Variants in KCTD16 observed in about 807,000 individuals in gnomAD.
The protein encoded by KCTD16 is potassium channel tetramerization domain containing 16, also known as BTB/POZ domain-containing protein KCTD16.
KCTD16 carries 13 observed loss-of-function variants against 33.2 expected under a neutral mutation model. That is an observed-to-expected ratio of 0.39 (90% CI 0.25 to 0.62). KCTD16 has a LOEUF of 0.62. Among genes scored for constraint, KCTD16 ranks in the 20% least tolerant of loss-of-function variants. The pLI is 0.50. For missense variants in KCTD16, 441 were observed against 525.1 expected (o/e 0.84, Z 1.57); for synonymous variants, 197 against 195.3 (o/e 1.01, Z -0.07).
chr5:144,302,644 G>A (rs759909644), intron 3 of KCTD16, among the ~76,000 whole-genome samples: 18 of 152,038 alleles, frequency 1.2e-4, no homozygotes, highest in Non-Finnish European at 2.1e-4. Context: ...ACTTATTATC[G>A]TACGTCAAAT....
chr5:144,347,861 C>T (rs1179370657), intron 3 of KCTD16, among the ~76,000 whole-genome samples: 4 of 152,116 alleles, frequency 2.6e-5, no homozygotes, highest in Non-Finnish European at 5.9e-5. Flanking sequence ...GTGACCAAAA[C>T]GACCCTGCTG....
chr5:144,420,512 A>G (rs1054249904), intron 3 of KCTD16, among the ~76,000 whole-genome samples: 2 of 149,834 alleles, frequency 1.3e-5, no homozygotes, highest in African/African-American at 4.9e-5. Context: ...ACTTATTTAA[A>G]TGTGTGTGTG....
chr5:144,230,258 C>T (rs747922654), intron 3 of KCTD16, among the ~76,000 whole-genome samples: 3 of 152,178 alleles, frequency 2.0e-5, no homozygotes, highest in Non-Finnish European at 4.4e-5. Flanking sequence ...GCTGCATTTT[C>T]GTCTTTGCCA....
rs1053012315 is a variant in KCTD16 at position 144,435,708 on chromosome 5, T to G, written c.833-37952T>G. Among the ~76,000 whole-genome samples the G allele has an allele frequency of 2.0e-5, 3 of 152,158 alleles. No homozygotes were observed. In the East Asian group the frequency reaches 5.8e-4, roughly 29 times the overall value. ...GAAGTTGGGGTTATTTACACCGCCTTGTAATAGTATCAGACAATTTCCTTC... is the reference window on the plus strand; with the variant it reads ...GAAGTTGGGGTTATTTACACCGCCTGGTAATAGTATCAGACAATTTCCTTC... On this transcript the variant is annotated intron_variant, in intron 3 of 3. Coordinates refer to ENST00000512467, the MANE Select transcript of KCTD16 (RefSeq NM_020768.4).
chr5:144,277,989 T>C (rs2126852257), intron 3 of KCTD16, among the ~76,000 whole-genome samples: 1 of 152,302 alleles, frequency 6.6e-6, no homozygotes. Flanking sequence ...AGTCTTTTCA[T>C]TTGCTAAATT....
Position 144,206,624 on chromosome 5 carries a change from C to T in KCTD16, c.-91C>T, listed in dbSNP as rs187095310. ...TTTTTTAATAAGTTAGCATCCTTTT[C>T]CCTTTCTTACAAGTTGATCCAAAGG... On this transcript the variant is annotated 5_prime_UTR_variant, in exon 3 of 4. Transcript: ENST00000512467. 6 of 1,107,192 alleles carry T rather than the reference C, an allele frequency of 5.4e-6. No homozygotes were observed. In the Admixed American group the frequency reaches 1.2e-4, roughly 22 times the overall value. The allele number at this position is 1,107,192 out of a possible 1,614,324, so 68.6% of individuals were successfully genotyped here. A position where few individuals can be genotyped will look rare whatever the true frequency, so the allele number is the denominator to read the frequency against.
chr5:144,187,951 C>A (rs1003379715), intron 2 of KCTD16, among the ~76,000 whole-genome samples: 1 of 152,136 alleles, frequency 6.6e-6, no homozygotes, highest in Non-Finnish European at 1.5e-5. Context: ...TCCAGCCCCA[C>A]CGGAAGTGGA....
intron 2 of KCTD16, among the ~76,000 whole-genome samples, chr5:144,182,745 TGAGAGAGAGAGAGAGAAAGA>T (rs1368317108): frequency 1.3e-5 from 2 of 150,216 alleles, no homozygotes; most frequent in African/African-American, 2.5e-5. Context: ...GATCCCTGTC[TGAGAGAGAGAGAGAGAAAGA>T]GAGAGAGAGA....
intron 3 of KCTD16, among the ~76,000 whole-genome samples, chr5:144,462,009 T>C (rs146109766): frequency 2.6e-4 from 39 of 152,340 alleles, no homozygotes; most frequent in Non-Finnish European, 4.3e-4. Context: ...TGTTTTCTTA[T>C]AATACTATTC....
intron 3 of KCTD16, among the ~76,000 whole-genome samples, chr5:144,437,914 G>C (rs1367831351): frequency 6.6e-6 from 1 of 152,116 alleles, no homozygotes; most frequent in African/African-American, 2.4e-5. Flanking sequence ...ATCCGCATGT[G>C]GCTATTGGAC....
chr5:144,171,786 GA>G (rs1252099893), intron 1 of KCTD16, among the ~76,000 whole-genome samples: 3 of 152,220 alleles, frequency 2.0e-5, no homozygotes, highest in Non-Finnish European at 1.5e-5. Flanking sequence ...TATCCTGTGG[GA>G]TTTGTGTGTT....
At chr5:144,472,403 T>C (rs1009253757) in intron 3 of KCTD16, among the ~76,000 whole-genome samples, 67 of 152,320 alleles carry the variant, frequency 4.4e-4, no homozygotes, top group African/African-American at 1.6e-3. Flanking sequence ...TTCTTCCTGG[T>C]TCACGGAGCC....
intron 3 of KCTD16, among the ~76,000 whole-genome samples, chr5:144,364,254 A>G (rs1429268581): frequency 1.3e-5 from 2 of 152,192 alleles, no homozygotes; most frequent in African/African-American, 2.4e-5. Flanking sequence ...TGCACCTGCA[A>G]TTCTTGAATC....
At chr5:144,454,614 G>T (rs1754019807) in intron 3 of KCTD16, among the ~76,000 whole-genome samples, 1 of 152,156 alleles carries the variant, frequency 6.6e-6, no homozygotes, top group Admixed American at 6.5e-5. Flanking sequence ...TATCATTACA[G>T]TTTCTCTGGG....
intron 3 of KCTD16, among the ~76,000 whole-genome samples, chr5:144,306,129 A>C (rs1460240912): frequency 6.6e-6 from 1 of 152,202 alleles, no homozygotes; most frequent in Non-Finnish European, 1.5e-5. Flanking sequence ...TGATGATTAC[A>C]CAGAGGTTTA....
At chr5:144,345,123 C>T (rs1443257192) in intron 3 of KCTD16, among the ~76,000 whole-genome samples, 2 of 148,636 alleles carry the variant, frequency 1.3e-5, no homozygotes, top group Non-Finnish European at 3.0e-5. Context: ...CCAAACACCG[C>T]ATGTTCTCAC....
chr5:144,390,988 G>A, intron 3 of KCTD16, among the ~76,000 whole-genome samples: 1 of 151,904 alleles, frequency 6.6e-6, no homozygotes, highest in Non-Finnish European at 1.5e-5. Flanking sequence ...GGTGGTTGGT[G>A]CCTTTATGAG....
rs775001984 is a variant in KCTD16, at chr5:144,473,927, G to A, written c.1100G>A (p.Arg367Gln). The A allele has an allele frequency of 4.3e-5, 70 of 1,613,806 alleles. No homozygotes were observed. Among genetic ancestry groups the A allele is most frequent in the African/African-American group, 6.7e-5 (5 of 74,846 alleles). ...ATGCGGCGGAAAAGCGACTTACTCC[G>A]GACTCTGACTTCAGGCTCCAGGGAA... ...SEMRRKSDLL[R>Q]TLTSGSRESN... Residue 367 changes from arginine (R) to glutamine (Q), a missense_variant, in exon 4 of 4, where the codon CGG (arginine) becomes CAG (glutamine). By Grantham distance (43) the Arg-to-Gln change is conservative. Transcript: ENST00000512467.
At chr5:144,470,727 A>G (rs1034954927) in intron 3 of KCTD16, among the ~76,000 whole-genome samples, 2 of 152,204 alleles carry the variant, frequency 1.3e-5, no homozygotes, top group African/African-American at 4.8e-5. Flanking sequence ...TAGCAGGAGG[A>G]TCCCAGATGA....
Sources: gnomAD v4.1 joint callset for allele counts (sites outside exome capture counted in the v4.1 genomes callset) on GRCh38, gnomAD v4.1.1 for gene constraint, MANE v1.5 for transcripts, NCBI Gene and HGNC (gene_info 2026-07-23, HGNC 2026-07-21) for gene names.